The following NOL10 variants were observed in gnomAD, a reference collection of about 807,000 sequenced individuals.
NOL10 encodes H_NH0074G24.1.
In NOL10, 58 loss-of-function variants were observed where a neutral mutation model predicts 103.5. The ratio of observed to expected loss-of-function variants is 0.56; its 90% CI spans 0.45 to 0.70. The LOEUF (loss-of-function observed/expected upper bound fraction) is 0.70. NOL10 is among the 30% of genes least tolerant of loss of function. The probability of loss-of-function intolerance (pLI) is 0.00; values close to 1 mark genes in which losing one functional copy is unlikely to be tolerated. For missense variants in NOL10, 763 were observed against 807.3 expected, an observed-to-expected ratio of 0.95 and a Z score of 0.67; for synonymous variants, 287 against 282.5, an observed-to-expected ratio of 1.02 and a Z score of -0.16.
At chr2:10,679,609 T>TC (rs1681578745) in intron 3 of NOL10, among the ~76,000 whole-genome samples, 1 of 138,336 alleles carries the variant, frequency 7.2e-6, no homozygotes, top group African/African-American at 2.5e-5. Flanking sequence ...CCTTCCTCTC[T>TC]TTCTCTCTCT....
chr2:10,616,217 ATTTTTTTTTTTTTTT>A (rs533351651), intron 13 of NOL10, among the ~76,000 whole-genome samples: 11 of 95,594 alleles, frequency 1.2e-4, no homozygotes, highest in Admixed American at 4.4e-4. Flanking sequence ...ACCACCCTGC[ATTTTTTTTTTTTTTT>A]TTTTTTTTTT....
chr2:10,650,483 A>G (rs1558322236), intron 12 of NOL10, among the ~76,000 whole-genome samples: 1 of 152,228 alleles, frequency 6.6e-6, no homozygotes, highest in Non-Finnish European at 1.5e-5. Context: ...TCTTCATTAA[A>G]TAAGTGTTTT....
intron 20 of NOL10, among the ~76,000 whole-genome samples, chr2:10,576,501 C>T (rs532714093): frequency 3.3e-5 from 5 of 152,232 alleles, no homozygotes; most frequent in East Asian, 1.9e-4. Flanking sequence ...GTGTTATATA[C>T]GTACAATGGT....
intron 17 of NOL10, among the ~76,000 whole-genome samples, chr2:10,595,319 TTTTTTG>T (rs1347460896): frequency 1.4e-5 from 2 of 142,638 alleles, no homozygotes; most frequent in Non-Finnish European, 3.2e-5. Context: ...TGTTTAGGTT[TTTTTTG>T]TTTTTGTTTT....
At chr2:10,682,110 G>A (rs1002396422) in intron 2 of NOL10, 41 bp from the exon 3 acceptor site, 7 of 885,334 alleles carry the variant, frequency 7.9e-6, no homozygotes, top group South Asian at 4.6e-5. Flanking sequence ...ACTAACATGT[G>A]CTTATTCTCT....
intron 13 of NOL10, 96 bp downstream of exon 13, chr2:10,644,224 G>GGTGATCGCCAGACTCC (rs1678906605): frequency 1.1e-6 from 1 of 889,120 alleles, no homozygotes; most frequent in African/African-American, 1.8e-5. Flanking sequence ...CCCCAGCATC[G>GGTGATCGCCAGACTCC]GTGATCGCCA....
At chr2:10,679,785 CA>C (rs1362710210) in intron 3 of NOL10, among the ~76,000 whole-genome samples, 2 of 152,076 alleles carry the variant, frequency 1.3e-5, no homozygotes, top group Non-Finnish European at 2.9e-5. Flanking sequence ...CCACCATGCC[CA>C]GCTAATTTAT....
intron 1 of NOL10, among the ~76,000 whole-genome samples, chr2:10,687,806 T>C (rs1313367551): frequency 6.6e-6 from 1 of 152,022 alleles, no homozygotes; most frequent in Non-Finnish European, 1.5e-5. Context: ...ATACAAAAAT[T>C]AGCTGGTGTG....
At chr2:10,664,015 G>C (rs765147913) in intron 8 of NOL10, among the ~76,000 whole-genome samples, 10 of 152,024 alleles carry the variant, frequency 6.6e-5, no homozygotes, top group Non-Finnish European at 1.5e-4. Context: ...CCACACACTA[G>C]GAGGCTGAGG....
At chr2:10,636,656 G>A (rs1678248875) in intron 13 of NOL10, among the ~76,000 whole-genome samples, 1 of 151,746 alleles carries the variant, frequency 6.6e-6, no homozygotes, top group Non-Finnish European at 1.5e-5. Flanking sequence ...GAGGAGTAAG[G>A]CTGTGTTCTT....
intron 1 of NOL10, 69 bp downstream of exon 1, chr2:10,689,727 G>T: frequency 1.4e-6 from 2 of 1,459,872 alleles, no homozygotes; most frequent in Non-Finnish European, 1.9e-6. Context: ...GCCGAGGAGA[G>T]GGGCGGCTGC....
rs150107988 is a variant in NOL10, at chr2:10,586,222, T to C, written c.1844+2821A>G. ...TGATAGTTCCAGAACTCTGTGAATA[T>C]ACTAAACACCAGTGAACTGCATGCT... On this transcript the variant is annotated intron_variant, in intron 19 of 20. Transcript: ENST00000381685. Among the ~76,000 whole-genome samples the C allele has an allele frequency of 4.8e-3, 736 of 152,360 alleles. 3 individuals carry two copies. Among genetic ancestry groups the C allele is most frequent in the African/African-American group, 0.016 (675 of 41,580 alleles).
intron 13 of NOL10, among the ~76,000 whole-genome samples, chr2:10,640,863 C>T (rs1249999446): frequency 6.6e-6 from 1 of 152,156 alleles, no homozygotes; most frequent in East Asian, 1.9e-4. Context: ...TTAATATTTC[C>T]AAGGTTAACT....
At chr2:10,674,449 A>T (rs1351899576) in intron 4 of NOL10, among the ~76,000 whole-genome samples, 1 of 152,062 alleles carries the variant, frequency 6.6e-6, no homozygotes, top group African/African-American at 2.4e-5. Flanking sequence ...TTCCCTTGAG[A>T]GTGTGGGTAG....
At chr2:10,685,971 A>G (rs1461123662) in intron 1 of NOL10, among the ~76,000 whole-genome samples, 2 of 114,286 alleles carry the variant, frequency 1.7e-5, no homozygotes, top group African/African-American at 2.6e-5. Flanking sequence ...CTGAGGTGCA[A>G]GAATCATTGA....
chr2:10,620,433 C>A (rs1175863946), intron 13 of NOL10, among the ~76,000 whole-genome samples: 1 of 152,142 alleles, frequency 6.6e-6, no homozygotes, highest in Non-Finnish European at 1.5e-5. Flanking sequence ...TATATTAACA[C>A]CATTTAGCAG....
rs3832140 is a variant in NOL10, at chr2:10,571,783, T to TA, written c.*287dup. 69 of 265,106 alleles carry TA rather than the reference T, an allele frequency of 2.6e-4. No homozygotes were observed. The highest frequency in any genetic ancestry group is 1.4e-3 in the African/African-American group (64 of 44,774). The allele number at this position is 265,106 out of a possible 1,614,324, so 16.4% of individuals were successfully genotyped here. On this transcript the variant is annotated 3_prime_UTR_variant, in exon 21 of 21. Coordinates refer to ENST00000381685, the MANE Select transcript of NOL10 (RefSeq NM_024894.4). The stretch of plus-strand genomic sequence containing the variant: ...TTTCATGGTGTACATTTCACAATAT[T>TA]AAAAAAACCCCAGCCTGGTTTTCAT...
At chr2:10,604,374 T>G (rs1335153194) in intron 14 of NOL10, among the ~76,000 whole-genome samples, 2 of 152,202 alleles carry the variant, frequency 1.3e-5, no homozygotes, top group Non-Finnish European at 2.9e-5. Context: ...TACAGTAGTA[T>G]AAAATAGTAT....
intron 13 of NOL10, among the ~76,000 whole-genome samples, chr2:10,621,800 G>C (rs977957854): frequency 6.6e-6 from 1 of 152,140 alleles, no homozygotes; most frequent in African/African-American, 2.4e-5. Flanking sequence ...TTCTTTGAGA[G>C]GCTTACAGAA....
Sources: allele counts gnomAD v4.1 joint callset (sites outside exome capture counted in the v4.1 genomes callset), GRCh38; gene constraint gnomAD v4.1.1; transcripts MANE v1.5; gene names NCBI Gene and HGNC (gene_info 2026-07-23, HGNC 2026-07-21).